The following NENF variants were observed in gnomAD, a reference collection of about 807,000 sequenced individuals.
NENF encodes neudesin neurotrophic factor.
Under a neutral mutation model 14.8 loss-of-function variants are expected in NENF, and 6 were observed. The ratio of observed to expected loss-of-function variants is 0.40; its 90% CI spans 0.22 to 0.80. NENF has a LOEUF of 0.80. Among genes scored for constraint, NENF ranks in the 30% least tolerant of loss-of-function variants. The pLI, the probability that NENF is intolerant of heterozygous loss-of-function variation, is 0.34. For synonymous variants in NENF, 76 were observed against 95.1 expected (o/e 0.80, Z 1.17); for missense variants, 184 against 212.7 (o/e 0.87, Z 0.84).
intron 1 of NENF, among the ~76,000 whole-genome samples, chr1:212,439,534 C>T (rs1033186677): frequency 1.4e-5 from 2 of 143,832 alleles, no homozygotes; most frequent in African/African-American, 5.2e-5. Flanking sequence ...AAGAGTGAAA[C>T]TCCTTCTCAT....
chr1:212,434,652 C>T (rs1460341236), intron 1 of NENF: 1 of 152,184 alleles, frequency 6.6e-6, no homozygotes, highest in Non-Finnish European at 1.5e-5. Flanking sequence ...TGTGTTTTTC[C>T]TTCCCAGCTG....
intron 1 of NENF, among the ~76,000 whole-genome samples, chr1:212,440,945 G>A (rs1256818107): frequency 1.3e-5 from 2 of 152,210 alleles, no homozygotes; most frequent in East Asian, 3.8e-4. Context: ...CCTGGCTGAT[G>A]CCCCTGCACC....
At chr1:212,434,669 G>A (rs1662576449) in intron 1 of NENF, 1 of 152,194 alleles carries the variant, frequency 6.6e-6, no homozygotes, top group Non-Finnish European at 1.5e-5. Flanking sequence ...GCTGTGAGTA[G>A]AACTATATGC....
chr1:212,436,074 G>C (rs764680091), intron 1 of NENF, among the ~76,000 whole-genome samples: 1 of 152,194 alleles, frequency 6.6e-6, no homozygotes, highest in Non-Finnish European at 1.5e-5. Flanking sequence ...GGTTGGTGTT[G>C]CTATCTCAGG....
intron 2 of NENF, 37 bp from the exon 3 acceptor site, chr1:212,444,302 A>T (rs1247947141): frequency 6.9e-7 from 1 of 1,449,942 alleles, no homozygotes. Context: ...CTGCATGTAA[A>T]CCCACGCTTA....
intron 1 of NENF, chr1:212,434,572 A>G (rs1325067290): frequency 6.6e-6 from 1 of 152,188 alleles, no homozygotes; most frequent in Non-Finnish European, 1.5e-5. Flanking sequence ...CTGGGGGAAG[A>G]GTGTGCTCTT....
intron 1 of NENF, among the ~76,000 whole-genome samples, chr1:212,438,613 C>G (rs1214700212): frequency 2.0e-5 from 3 of 146,584 alleles, no homozygotes; most frequent in Non-Finnish European, 4.5e-5. Flanking sequence ...GTGTGTGTGT[C>G]TGTATTTTTT....
chr1:212,436,924 CAAAAAA>C (rs35648109), intron 1 of NENF, among the ~76,000 whole-genome samples: 1 of 81,858 alleles, frequency 1.2e-5, no homozygotes, highest in African/African-American at 4.2e-5. Context: ...TCACCTCTAC[CAAAAAA>C]AAAAAAAAAA....
At chr1:212,441,743 G>A (rs867123935) in intron 1 of NENF, among the ~76,000 whole-genome samples, 1 of 151,714 alleles carries the variant, frequency 6.6e-6, no homozygotes, top group South Asian at 2.1e-4. Context: ...CTGACATTGC[G>A]CCATTGCACT....
chr1:212,445,269 T>G (rs1662761902), intron 3 of NENF, among the ~76,000 whole-genome samples: 1 of 151,878 alleles, frequency 6.6e-6, no homozygotes, highest in Non-Finnish European at 1.5e-5. Context: ...AAAAAAAAAT[T>G]TGTTTTTTAA....
intron 1 of NENF, among the ~76,000 whole-genome samples, chr1:212,437,892 A>G (rs1047998037): frequency 6.6e-6 from 1 of 152,102 alleles, no homozygotes; most frequent in Non-Finnish European, 1.5e-5. Context: ...GGTGGCTCAC[A>G]CCTGTAGTCC....
intron 2 of NENF, among the ~76,000 whole-genome samples, chr1:212,443,117 T>C (rs971463268): frequency 2.6e-5 from 4 of 152,198 alleles, no homozygotes; most frequent in Admixed American, 2.6e-4. Flanking sequence ...TTTCCCCTGA[T>C]AATGACATGC....
At chr1:212,442,855 C>T (rs557819907) in intron 2 of NENF, among the ~76,000 whole-genome samples, 1 of 152,286 alleles carries the variant, frequency 6.6e-6, no homozygotes, top group East Asian at 1.9e-4. Flanking sequence ...CAATTCTCTG[C>T]CTCAGCCTCC....
At chr1:212,438,063 A>G (rs1662636456) in intron 1 of NENF, among the ~76,000 whole-genome samples, 1 of 152,182 alleles carries the variant, frequency 6.6e-6, no homozygotes, top group African/African-American at 2.4e-5. Flanking sequence ...CAGTAATTCT[A>G]GTAAGGGTTG....
chr1:212,435,865 C>T (rs1366021549), intron 1 of NENF, among the ~76,000 whole-genome samples: 1 of 152,100 alleles, frequency 6.6e-6, no homozygotes, highest in African/African-American at 2.4e-5. Flanking sequence ...TTACTAATAG[C>T]CTACTGTTGA....
At chr1:212,444,750 G>A (rs1252835006) in intron 3 of NENF, among the ~76,000 whole-genome samples, 1 of 152,000 alleles carries the variant, frequency 6.6e-6, no homozygotes, top group African/African-American at 2.4e-5. Flanking sequence ...CCAACTCAGT[G>A]ATCATCACAA....
chr1:212,438,778 G>A (rs1662648539), intron 1 of NENF, among the ~76,000 whole-genome samples: 1 of 151,876 alleles, frequency 6.6e-6, no homozygotes, highest in Non-Finnish European at 1.5e-5. Flanking sequence ...CACCACACCC[G>A]GCTAATTTTT....
At position 212,446,349 on chromosome 1, in the gene NENF, C is replaced by T. The variant is rs1158163613; in HGVS notation, c.*343C>T. On this transcript the variant is annotated 3_prime_UTR_variant, in exon 4 of 4. Coordinates refer to ENST00000366988, the MANE Select transcript of NENF (RefSeq NM_013349.5). ...GACCATGTTCACTTTATAATCAAAA[C>T]AAAAATAAAGGTCCCATTTTTACAA... 3 of 198,126 alleles carry T rather than the reference C, an allele frequency of 1.5e-5. No individual in the cohort carries two copies. Among genetic ancestry groups the T allele is most frequent in the Non-Finnish European group, 3.0e-5 (3 of 98,418 alleles). 12.3% of individuals were successfully genotyped at this position (198,126 alleles called of 1,614,324 possible). A position where few individuals can be genotyped will look rare whatever the true frequency, so the allele number is the denominator to read the frequency against.
At chr1:212,444,267 C>A in intron 2 of NENF, 72 bp from the exon 3 acceptor site, 1 of 983,156 alleles carries the variant, frequency 1.0e-6, no homozygotes, top group Non-Finnish European at 1.5e-6. Context: ...TTGGGAGCGC[C>A]CCCACGTGCA....
Sources: gnomAD v4.1 joint callset for allele counts (sites outside exome capture counted in the v4.1 genomes callset) on GRCh38, gnomAD v4.1.1 for gene constraint, MANE v1.5 for transcripts, NCBI Gene and HGNC (gene_info 2026-07-23, HGNC 2026-07-21) for gene names.